SLC1A4: variants seen among roughly 807,000 people sequenced by gnomAD.
SLC1A4 encodes the protein solute carrier family 1 member 4.
Under a neutral mutation model 37.7 loss-of-function variants are expected in SLC1A4, and 19 were observed. That is an observed-to-expected ratio of 0.50 (90% CI 0.35 to 0.74). The LOEUF is 0.74. Ranked by LOEUF, SLC1A4 falls within the 30% of genes least tolerant of loss-of-function variation. The pLI is 0.01. For synonymous variants in SLC1A4, 299 were observed against 309.8 expected, an observed-to-expected ratio of 0.97 and a Z score of 0.37; for missense variants, 570 against 712.9, an observed-to-expected ratio of 0.80 and a Z score of 2.28.
chr2:65,015,541 T>G (rs554440655), intron 4 of SLC1A4, among the ~76,000 whole-genome samples: 1 of 152,354 alleles, frequency 6.6e-6, no homozygotes, highest in South Asian at 2.1e-4. Flanking sequence ...CATCTACGTT[T>G]TAATTTTTTG....
chr2:65,018,378 G>C lies in SLC1A4; in HGVS notation c.1229+113G>C. ...CTCGCTCATAAAATGAGGACAGTGGGGATTCATTACTTGAAGAGCGTGTGT... is the reference window on the plus strand; with the variant it reads ...CTCGCTCATAAAATGAGGACAGTGGCGATTCATTACTTGAAGAGCGTGTGT... On this transcript the variant is annotated intron_variant, in intron 6 of 7. Coordinates refer to ENST00000234256, the MANE Select transcript of SLC1A4 (RefSeq NM_003038.5). This position sits in a 1 kb window ranked among gnomAD's most constrained non-coding sequence, Gnocchi z 4.3. The C allele has an allele frequency of 7.2e-7, 1 of 1,381,238 alleles. No homozygotes were observed. The highest frequency in any genetic ancestry group is 2.4e-5 in the East Asian group (1 of 42,050). 85.6% of individuals were successfully genotyped at this position (1,381,238 alleles called of 1,614,324 possible).
At chr2:64,997,779 G>A (rs1358274499) in intron 1 of SLC1A4, among the ~76,000 whole-genome samples, 1 of 152,142 alleles carries the variant, frequency 6.6e-6, no homozygotes. Flanking sequence ...CCTTTTTGCA[G>A]GCATATATTT....
At chr2:64,994,080 G>A (rs146303665) in intron 1 of SLC1A4, among the ~76,000 whole-genome samples, 131 of 152,350 alleles carry the variant, frequency 8.6e-4, no homozygotes, top group Non-Finnish European at 1.5e-3. Flanking sequence ...ATGGCATCTG[G>A]AGGAGAAGTG....
chr2:65,014,883 T>G (rs1674065293), intron 4 of SLC1A4, among the ~76,000 whole-genome samples: 1 of 152,212 alleles, frequency 6.6e-6, no homozygotes, highest in Non-Finnish European at 1.5e-5. Context: ...GTATTTCCAT[T>G]CTGAAGATAA....
At chr2:65,002,255 G>C (rs1426278221) in intron 2 of SLC1A4, among the ~76,000 whole-genome samples, 2 of 106,044 alleles carry the variant, frequency 1.9e-5, no homozygotes, top group East Asian at 6.7e-4. Context: ...ACTCCAGCCT[G>C]GGCAGCAGAG....
At chr2:64,994,720 A>C (rs1186163493) in intron 1 of SLC1A4, 1 of 151,826 alleles carries the variant, frequency 6.6e-6, no homozygotes, top group Non-Finnish European at 1.5e-5. Flanking sequence ...AAACTATCAG[A>C]GACTGAGATT....
In SLC1A4 at chr2:65,003,954, A is replaced by T. The variant is rs1673577135; in HGVS notation, c.572A>T (p.Tyr191Phe). Reference protein sequence around the residue: ...SNLVVAAFRTYATDYKVVTQN... With the variant: ...SNLVVAAFRTFATDYKVVTQN... ...GTTTTTTTTTCCTCTTGATCACAGT[A>T]TGCAACCGATTATAAAGTCGTGACC... is the stretch of plus-strand genomic sequence containing the variant. Residue 191 changes from tyrosine (Y) to phenylalanine (F), a missense_variant and splice_region_variant, in exon 3 of 8, where the codon TAT (tyrosine) becomes TTT (phenylalanine). Tyr to Phe is a conservative substitution (Grantham distance 22). Transcript: ENST00000234256. 1 of 1,613,824 alleles carries T rather than the reference A, an allele frequency of 6.2e-7. No homozygotes were observed. The highest frequency in any genetic ancestry group is 8.5e-7 in the Non-Finnish European group (1 of 1,179,746).
In SLC1A4 at chr2:65,020,964, A is replaced by T; in HGVS notation, c.1417A>T (p.Ile473Phe). 13 of 1,614,212 alleles carry T rather than the reference A, an allele frequency of 8.1e-6. No homozygotes were observed. The highest frequency in any genetic ancestry group is 1.1e-5 in the Non-Finnish European group (13 of 1,180,032). The stretch of plus-strand genomic sequence containing the variant: ...GGAAGGGGATGCCCTGGGTGCAGGC[A>T]TTCTCCACCACCTGAATCAGAAGGC... ...NVEGDALGAG[I>F]LHHLNQKATK... Residue 473 changes from isoleucine (I) to phenylalanine (F), a missense_variant, in exon 8 of 8, where the codon ATT (isoleucine) becomes TTT (phenylalanine). Physicochemically the swap from Ile to Phe is conservative, Grantham distance 21. Coordinates refer to ENST00000234256, the MANE Select transcript of SLC1A4 (RefSeq NM_003038.5).
rs7559202 is a variant in SLC1A4 at position 64,989,955 on chromosome 2, G to C, written c.312G>C (p.Ser104=). The part of the protein sequence containing the change: ...VVCSLVSGAA[S]LDASCLGRLG... The stretch of plus-strand genomic sequence containing the variant: ...GCAGCCTGGTGTCGGGCGCCGCCTC[G>C]CTCGATGCCAGCTGCCTCGGGCGTC... The change falls in exon 1 of 8, where the codon TCG becomes TCC. Residue 104 remains serine (S), a synonymous_variant. Transcript: ENST00000234256. 236,397 of 1,574,396 alleles carry C rather than the reference G, an allele frequency of 0.15. 18,045 individuals carry two copies. Among genetic ancestry groups the C allele is most frequent in the East Asian group, 0.22 (9,486 of 42,736 alleles).
rs994972555 is a variant in SLC1A4, at chr2:65,021,260, C to T, written c.*114C>T. On this transcript the variant is annotated 3_prime_UTR_variant, in exon 8 of 8. Transcript: ENST00000234256. ...CCAACTTTTACCCTCCCAAGCAATG[C>T]TTTGGCCCAGTCGCTGGCCTGAGGC... The T allele has an allele frequency of 7.3e-6, 6 of 817,134 alleles. No homozygotes were observed. Among genetic ancestry groups the T allele is most frequent in the Non-Finnish European group, 1.2e-5 (6 of 515,442 alleles). The allele number at this position is 817,134 out of a possible 1,614,324, so 50.6% of individuals were successfully genotyped here. A position where few individuals can be genotyped will look rare whatever the true frequency, so the allele number is the denominator to read the frequency against.
chr2:64,994,494 A>G (rs1424657782), intron 1 of SLC1A4, among the ~76,000 whole-genome samples: 1 of 152,244 alleles, frequency 6.6e-6, no homozygotes, highest in Admixed American at 6.5e-5. Context: ...GGCCATGTAT[A>G]TGGTAAATAC....
intron 4 of SLC1A4, chr2:65,011,186 C>CTA (rs1673903154): frequency 6.2e-6 from 1 of 160,004 alleles, no homozygotes; most frequent in Non-Finnish European, 1.4e-5. Flanking sequence ...GGACCCTTTA[C>CTA]TATAGTAGTT....
At chr2:65,007,237 T>C (rs950851806) in intron 3 of SLC1A4, among the ~76,000 whole-genome samples, 1 of 151,492 alleles carries the variant, frequency 6.6e-6, no homozygotes, top group Non-Finnish European at 1.5e-5. Context: ...AAGAAGAACA[T>C]TAAAGCAGGG....
chr2:64,989,869 G>C lies in SLC1A4; in HGVS notation c.226G>C (p.Ala76Pro). 1 of 1,541,804 alleles carries C rather than the reference G, an allele frequency of 6.5e-7. No homozygotes were observed. The highest frequency in any genetic ancestry group is 1.2e-5 in the South Asian group (1 of 84,206). ...SLSRTQVTYL[A>P]FPGEMLLRML... ...GAGCCGCACGCAGGTCACCTACCTGGCCTTCCCCGGCGAGATGCTGCTCCG... is the reference window on the plus strand; with the variant it reads ...GAGCCGCACGCAGGTCACCTACCTGCCCTTCCCCGGCGAGATGCTGCTCCG... Residue 76 changes from alanine (A) to proline (P), a missense_variant, in exon 1 of 8, where the codon GCC becomes CCC. Ala to Pro is a conservative substitution (Grantham distance 27). Transcript: ENST00000234256.
chr2:65,014,499 T>TA (rs1194138405), intron 4 of SLC1A4, among the ~76,000 whole-genome samples: 1 of 152,192 alleles, frequency 6.6e-6, no homozygotes, highest in African/African-American at 2.4e-5. Flanking sequence ...CTCATGACTG[T>TA]AGGATGTTTA....
intron 3 of SLC1A4, among the ~76,000 whole-genome samples, chr2:65,006,393 G>A (rs1400900683): frequency 6.6e-6 from 1 of 152,088 alleles, no homozygotes; most frequent in Non-Finnish European, 1.5e-5. Context: ...TTGGGAGGCT[G>A]AGGCAGGAGA....
chr2:64,995,818 T>G (rs549959485), intron 1 of SLC1A4, among the ~76,000 whole-genome samples: 1 of 152,220 alleles, frequency 6.6e-6, no homozygotes, highest in Non-Finnish European at 1.5e-5. Context: ...AGTAAATTGT[T>G]TTACATTCTT....
At position 65,002,610 on chromosome 2, in the gene SLC1A4, C is replaced by A. The variant is rs918265740; in HGVS notation, c.570+1120C>A. On this transcript the variant is annotated intron_variant, in intron 2 of 7. Transcript: ENST00000234256. The stretch of plus-strand genomic sequence containing the variant: ...TTTTTTTTTTTGAGACAGAGTCTCA[C>A]TCTGTTGCCCAGGCTGGAGTGCAGT... Among the ~76,000 whole-genome samples the A allele has an allele frequency of 8.8e-5, 8 of 91,060 alleles. 1 individual carries two copies. Among genetic ancestry groups the A allele is most frequent in the African/African-American group, 3.4e-4 (8 of 23,474 alleles). The allele number at this position is 91,060 out of a possible 152,430, so 59.7% of individuals were successfully genotyped here.
At chr2:65,002,806 G>A (rs1445712497) in intron 2 of SLC1A4, among the ~76,000 whole-genome samples, 1 of 151,976 alleles carries the variant, frequency 6.6e-6, no homozygotes, top group East Asian at 1.9e-4. Flanking sequence ...TCGATCTCCT[G>A]ACCTTGTGAT....
Sources: gnomAD v4.1 joint callset for allele counts (sites outside exome capture counted in the v4.1 genomes callset) on GRCh38, gnomAD v4.1.1 for gene constraint, Gnocchi (gnomAD v3.1) non-coding constraint, MANE v1.5 for transcripts, NCBI Gene and HGNC (gene_info 2026-07-23, HGNC 2026-07-21) for gene names.